Variants in RBFOX1 observed in about 807,000 individuals in gnomAD.
RBFOX1 encodes the protein RNA binding fox-1 homolog 1, also known as RNA binding protein fox-1 homolog 1.
RBFOX1 carries 8 observed loss-of-function variants against 57.7 expected under a neutral mutation model. The ratio of observed to expected loss-of-function variants is 0.14; its 90% CI spans 0.08 to 0.25. RBFOX1 has a LOEUF of 0.25. Ranked by LOEUF, RBFOX1 falls within the 10% of genes least tolerant of loss-of-function variation. The probability of loss-of-function intolerance (pLI) is 1.00; values close to 1 mark genes in which losing one functional copy is unlikely to be tolerated. For synonymous variants in RBFOX1, 326 were observed against 222.4 expected, an observed-to-expected ratio of 1.47 and a Z score of -4.15; for missense variants, 611 against 548.5, an observed-to-expected ratio of 1.11 and a Z score of -1.14.
At chr16:5,449,753 T>C (rs1311979868) in intron 1 of RBFOX1, among the ~76,000 whole-genome samples, 1 of 152,026 alleles carries the variant, frequency 6.6e-6, no homozygotes, top group Non-Finnish European at 1.5e-5. Context: ...GAAACACAGA[T>C]GTATGCCACC....
chr16:7,444,286 T>C (rs1317607232), intron 4 of RBFOX1, among the ~76,000 whole-genome samples: 2 of 152,120 alleles, frequency 1.3e-5, no homozygotes, highest in African/African-American at 4.8e-5. Flanking sequence ...GTGGGTGTGG[T>C]CTGGCTGGAA....
intron 1 of RBFOX1, among the ~76,000 whole-genome samples, chr16:5,313,213 A>G (rs144643252): frequency 6.6e-6 from 1 of 152,240 alleles, no homozygotes; most frequent in African/African-American, 2.4e-5. Context: ...AAGCAGGGCA[A>G]ATTGCTCCAT....
chr16:6,495,620 G>A (rs2095749720), intron 2 of RBFOX1, among the ~76,000 whole-genome samples: 1 of 152,174 alleles, frequency 6.6e-6, no homozygotes, highest in South Asian at 2.1e-4. Context: ...TCACAGCTCT[G>A]CCTTAAAGCT....
At chr16:7,025,462 G>C (rs986978195) in intron 3 of RBFOX1, among the ~76,000 whole-genome samples, 2 of 152,104 alleles carry the variant, frequency 1.3e-5, no homozygotes, top group African/African-American at 4.8e-5. Context: ...AACCTTCTGG[G>C]AATGCATCCT....
intron 1 of RBFOX1, among the ~76,000 whole-genome samples, chr16:5,379,939 G>C (rs1161955034): frequency 1.3e-5 from 2 of 152,190 alleles, no homozygotes; most frequent in African/African-American, 4.8e-5. Context: ...AAGCGCTTGG[G>C]GCGTTGGAGG....
intron 1 of RBFOX1, among the ~76,000 whole-genome samples, chr16:6,240,213 G>A (rs1368430057): frequency 6.6e-6 from 1 of 152,182 alleles, no homozygotes; most frequent in Admixed American, 6.5e-5. Context: ...ACAGCCTGCA[G>A]AACCTTGAGT....
At position 7,433,516 on chromosome 16, in the gene RBFOX1, C is replaced by T. The variant is rs114815856; in HGVS notation, c.28-84631C>T. Among the ~76,000 whole-genome samples the T allele has an allele frequency of 2.6e-3, 401 of 152,240 alleles. 2 individuals are homozygous for T. The highest frequency in any genetic ancestry group is 8.8e-3 in the African/African-American group (367 of 41,544). ...CTGTGTTGGAGTACAGACAAATGCG[C>T]GGTGAAATCTTGCTGAAAGACTGCA... On this transcript the variant is annotated intron_variant, in intron 4 of 15. Transcript: ENST00000550418.
intron 2 of RBFOX1, among the ~76,000 whole-genome samples, chr16:6,394,903 T>G (rs1052207435): frequency 5.3e-5 from 8 of 152,196 alleles, no homozygotes; most frequent in African/African-American, 1.9e-4. Context: ...CTAGCACTAT[T>G]AAGCGTGTTA....
intron 3 of RBFOX1, among the ~76,000 whole-genome samples, chr16:6,799,742 A>T (rs1006496175): frequency 6.6e-6 from 1 of 152,060 alleles, no homozygotes; most frequent in Non-Finnish European, 1.5e-5. Context: ...CTTGCCCTTG[A>T]CCATCAGCCT....
chr16:6,796,074 T>G (rs1034790962), intron 3 of RBFOX1, among the ~76,000 whole-genome samples: 1 of 151,992 alleles, frequency 6.6e-6, no homozygotes, highest in South Asian at 2.1e-4. Flanking sequence ...AAGAAAGAGG[T>G]TTATTAGGCT....
At chr16:5,699,695 C>T (rs1297813890) in intron 3 of RBFOX1, among the ~76,000 whole-genome samples, 2 of 152,156 alleles carry the variant, frequency 1.3e-5, no homozygotes, top group Admixed American at 6.5e-5. Context: ...AACTATATTG[C>T]ATCCTACAAT....
At chr16:7,000,337 G>C (rs996062702) in intron 3 of RBFOX1, among the ~76,000 whole-genome samples, 4 of 151,956 alleles carry the variant, frequency 2.6e-5, no homozygotes, top group African/African-American at 7.2e-5. Flanking sequence ...ATTAAAATTA[G>C]TCGATACATC....
At chr16:5,832,488 T>C (rs2056311421) in intron 3 of RBFOX1, among the ~76,000 whole-genome samples, 1 of 152,222 alleles carries the variant, frequency 6.6e-6, no homozygotes, top group African/African-American at 2.4e-5. Context: ...TAGTCCCAGC[T>C]CTTGGGGCTG....
At chr16:6,759,349 T>C (rs1309912915) in intron 3 of RBFOX1, among the ~76,000 whole-genome samples, 1 of 151,942 alleles carries the variant, frequency 6.6e-6, no homozygotes, top group Non-Finnish European at 1.5e-5. Flanking sequence ...CAGTGTTTAG[T>C]CGTGTTGGCC....
chr16:6,921,765 A>G (rs1597294328), intron 3 of RBFOX1, among the ~76,000 whole-genome samples: 1 of 149,812 alleles, frequency 6.7e-6, no homozygotes, highest in Admixed American at 6.8e-5. Context: ...GTGTATATAT[A>G]TGAAGATGTA....
At chr16:6,867,620 C>G (rs182457066) in intron 3 of RBFOX1, among the ~76,000 whole-genome samples, 4 of 152,118 alleles carry the variant, frequency 2.6e-5, no homozygotes, top group Admixed American at 2.6e-4. Context: ...TTGGGAGGCT[C>G]AGGCAGCAGG....
intron 4 of RBFOX1, among the ~76,000 whole-genome samples, chr16:7,352,422 G>C (rs192181026): frequency 6.6e-6 from 1 of 152,120 alleles, no homozygotes; most frequent in Non-Finnish European, 1.5e-5. Flanking sequence ...GCTGTTGTGG[G>C]AATGCGTAGC....
At chr16:6,359,951 G>A (rs973620048) in intron 2 of RBFOX1, among the ~76,000 whole-genome samples, 3 of 152,086 alleles carry the variant, frequency 2.0e-5, no homozygotes, top group Non-Finnish European at 4.4e-5. Context: ...TATGTCCTCC[G>A]TGATTTCAAA....
At chr16:5,458,738 A>G (rs1332459084) in intron 1 of RBFOX1, among the ~76,000 whole-genome samples, 1 of 152,250 alleles carries the variant, frequency 6.6e-6, no homozygotes, top group African/African-American at 2.4e-5. Flanking sequence ...ACAGGAGAAT[A>G]TAACAAAACT....
Sources: gnomAD v4.1 joint callset for allele counts (sites outside exome capture counted in the v4.1 genomes callset) on GRCh38, gnomAD v4.1.1 for gene constraint, MANE v1.5 for transcripts, NCBI Gene and HGNC (gene_info 2026-07-23, HGNC 2026-07-21) for gene names.